CFDP1: variants seen among roughly 807,000 people sequenced by gnomAD.
The protein encoded by CFDP1 is heterochromatin-stabilizing protein CFDP1.
A neutral mutation model predicts 40.1 loss-of-function variants in CFDP1; 31 were observed. That is an observed-to-expected ratio of 0.77 (90% CI 0.58 to 1.04). The LOEUF (loss-of-function observed/expected upper bound fraction) is 1.04, where lower values mean the gene tolerates loss of function less well. Among genes scored for constraint, CFDP1 ranks in the 50% least tolerant of loss-of-function variants. The pLI is 0.00. For missense variants in CFDP1, 423 were observed against 343.4 expected (o/e 1.23, Z -1.83); for synonymous variants, 167 against 120.0 (o/e 1.39, Z -2.56).
chr16:75,425,294 G>A (rs928820624), intron 1 of CFDP1, among the ~76,000 whole-genome samples: 3 of 151,070 alleles, frequency 2.0e-5, no homozygotes, highest in African/African-American at 4.9e-5. Context: ...GGCTGAGGAA[G>A]GAGAATCACT....
At chr16:75,412,351 A>C (rs2079170315) in intron 3 of CFDP1, among the ~76,000 whole-genome samples, 184 bp downstream of exon 3, 2 of 152,206 alleles carry the variant, frequency 1.3e-5, no homozygotes, top group African/African-American at 4.8e-5. Context: ...ATCTCTAACC[A>C]GTTAAAGGCC....
At chr16:75,347,961 C>G (rs2078581470) in intron 5 of CFDP1, among the ~76,000 whole-genome samples, 1 of 152,082 alleles carries the variant, frequency 6.6e-6, no homozygotes, top group Non-Finnish European at 1.5e-5. Context: ...TAAATATAGG[C>G]TGAGAAACTG....
intron 5 of CFDP1, among the ~76,000 whole-genome samples, chr16:75,383,445 T>G (rs1471347018): frequency 6.6e-6 from 1 of 152,226 alleles, no homozygotes; most frequent in Non-Finnish European, 1.5e-5. Flanking sequence ...TCTTCCCTGA[T>G]GTTAAAACAT....
intron 5 of CFDP1, among the ~76,000 whole-genome samples, chr16:75,390,168 C>T (rs1287532372): frequency 6.6e-6 from 1 of 152,134 alleles, no homozygotes; most frequent in African/African-American, 2.4e-5. Flanking sequence ...TGTATAGCTC[C>T]CAAGGTAGCT....
chr16:75,401,209 A>G (rs903105167), intron 4 of CFDP1, among the ~76,000 whole-genome samples: 6 of 152,028 alleles, frequency 3.9e-5, no homozygotes, highest in Admixed American at 3.9e-4. Flanking sequence ...TGGGTGGATC[A>G]TGAGGTCAGG....
At chr16:75,371,705 G>C (rs2078752516) in intron 5 of CFDP1, among the ~76,000 whole-genome samples, 1 of 152,164 alleles carries the variant, frequency 6.6e-6, no homozygotes, top group Admixed American at 6.5e-5. Context: ...AGAATAATCA[G>C]AGGAAAGAAA....
At chr16:75,424,354 C>T (rs2079310378) in intron 1 of CFDP1, among the ~76,000 whole-genome samples, 1 of 152,148 alleles carries the variant, frequency 6.6e-6, no homozygotes. Context: ...TTACTCAATG[C>T]TAAAGGGTTT....
intron 1 of CFDP1, among the ~76,000 whole-genome samples, chr16:75,418,574 G>A (rs1337818151): frequency 2.6e-5 from 4 of 152,026 alleles, no homozygotes; most frequent in African/African-American, 9.7e-5. Context: ...CTCCCAAAGT[G>A]CTGGGATTAC....
intron 5 of CFDP1, among the ~76,000 whole-genome samples, chr16:75,361,580 G>A (rs1393948329): frequency 6.6e-6 from 1 of 152,104 alleles, no homozygotes; most frequent in Non-Finnish European, 1.5e-5. Context: ...TCATGCCACT[G>A]CACTCCAGCC....
intron 4 of CFDP1, among the ~76,000 whole-genome samples, chr16:75,402,178 C>G (rs1339642153): frequency 6.6e-6 from 1 of 152,140 alleles, no homozygotes; most frequent in African/African-American, 2.4e-5. Context: ...TATCTTCAAG[C>G]AGGAGAACAG....
At chr16:75,307,105 G>A (rs1307257718) in intron 5 of CFDP1, among the ~76,000 whole-genome samples, 1 of 151,880 alleles carries the variant, frequency 6.6e-6, no homozygotes, top group Non-Finnish European at 1.5e-5. Context: ...TCACTCAGTG[G>A]CCCTATCCTG....
intron 1 of CFDP1, among the ~76,000 whole-genome samples, chr16:75,428,630 T>C (rs1172814169): frequency 1.4e-5 from 1 of 71,206 alleles, no homozygotes; most frequent in African/African-American, 5.7e-5. Context: ...AATAAATAAA[T>C]AGAGAGAGAG....
chr16:75,377,344 T>C (rs2078808765), intron 5 of CFDP1, among the ~76,000 whole-genome samples: 1 of 152,226 alleles, frequency 6.6e-6, no homozygotes, highest in Non-Finnish European at 1.5e-5. Flanking sequence ...GGAGTATAAT[T>C]ATCATTAAAA....
rs374960143 is a variant in CFDP1, at chr16:75,418,554, C to G, written c.65-3859G>C. 2.1e-4 allele frequency among the ~76,000 whole-genome samples: 32 copies of G among 151,986 alleles called. No homozygotes were observed. The East Asian group carries it at 5.1e-3, about 24-fold the overall frequency. The stretch of plus-strand genomic sequence containing the variant: ...TCGAACTCCTGACCTTGTGATCCGC[C>G]GACCTCGGCCTCCCAAAGTGCTGGG... On this transcript the variant is annotated intron_variant, in intron 1 of 6. Transcript: ENST00000283882.
intron 5 of CFDP1, among the ~76,000 whole-genome samples, chr16:75,309,581 G>A (rs2078280063): frequency 1.3e-5 from 2 of 152,094 alleles, no homozygotes; most frequent in Admixed American, 1.3e-4. Flanking sequence ...AGCACTTTGG[G>A]AAGCCGAGGC....
chr16:75,387,387 C>T (rs894707355), intron 5 of CFDP1, among the ~76,000 whole-genome samples: 7 of 152,118 alleles, frequency 4.6e-5, no homozygotes, highest in East Asian at 3.9e-4. Flanking sequence ...GTGATCCACC[C>T]GCCTCGGCCT....
intron 4 of CFDP1, chr16:75,406,729 A>C (rs1006195867): frequency 6.7e-6 from 1 of 150,230 alleles, no homozygotes; most frequent in Non-Finnish European, 1.5e-5. Flanking sequence ...AAAATAAATA[A>C]AAATAAACAA....
rs2078880139 is a variant in CFDP1 at position 75,384,854 on chromosome 16, ATATATAT to A, written c.650+10229_650+10235del. ...CAAGTTGCAAGAAGAAACTAAAACT[ATATATAT>A]ATATATATATATATATATATATATA... On this transcript the variant is annotated intron_variant, in intron 5 of 6. Coordinates refer to ENST00000283882, the MANE Select transcript of CFDP1 (RefSeq NM_006324.3). 1.5e-3 allele frequency among the ~76,000 whole-genome samples: 189 copies of A among 124,892 alleles called. 11 individuals are homozygous for A. In the South Asian group the frequency reaches 0.032, roughly 21 times the overall value. The allele number at this position is 124,892 out of a possible 152,430, so 81.9% of individuals were successfully genotyped here. A position where few individuals can be genotyped will look rare whatever the true frequency, so the allele number is the denominator to read the frequency against.
At chr16:75,398,943 G>C (rs982570683) in intron 4 of CFDP1, among the ~76,000 whole-genome samples, 3 of 151,698 alleles carry the variant, frequency 2.0e-5, no homozygotes, top group Admixed American at 2.0e-4. Context: ...TGTAGTCCCA[G>C]CTACTCGGGA....
Sources: gnomAD v4.1 joint callset for allele counts (sites outside exome capture counted in the v4.1 genomes callset) on GRCh38, gnomAD v4.1.1 for gene constraint, MANE v1.5 for transcripts, NCBI Gene and HGNC (gene_info 2026-07-23, HGNC 2026-07-21) for gene names.